KIF22: variants seen among roughly 807,000 people sequenced by gnomAD.
KIF22 encodes kinesin family member 22.
KIF22 carries 62 observed loss-of-function variants against 73.0 expected under a neutral mutation model. The ratio of observed to expected loss-of-function variants is 0.85; its 90% confidence interval spans 0.69 to 1.05. The LOEUF is 1.05. Ranked by LOEUF, KIF22 falls within the 50% of genes least tolerant of loss-of-function variation. KIF22 has a pLI of 0.00. For synonymous variants in KIF22, 411 were observed against 340.1 expected (o/e 1.21, Z -2.29); for missense variants, 854 against 870.1 (o/e 0.98, Z 0.23).
intron 1 of KIF22, among the ~76,000 whole-genome samples, chr16:29,793,294 G>C (rs924491307): frequency 6.6e-6 from 1 of 152,174 alleles, no homozygotes; most frequent in Non-Finnish European, 1.5e-5. Context: ...TCAAAAATTA[G>C]CTGGGCGTGG....
chr16:29,799,559 T>C, intron 6 of KIF22, 65 bp downstream of exon 6: 2 of 1,611,018 alleles, frequency 1.2e-6, no homozygotes, highest in Non-Finnish European at 1.7e-6. Flanking sequence ...TGCTGTGGGG[T>C]GGGGAATAGC....
rs1267974961 is a variant in KIF22 at position 29,798,781 on chromosome 16, A to G, written c.549+34A>G. ...CCGTGCTGGTTGGGAGAGGAGCAAC[A>G]AAGGGTCAAAGTAAGACCTGGTTCT... On this transcript the variant is annotated intron_variant, in intron 4 of 13. Coordinates refer to ENST00000160827, the MANE Select transcript of KIF22 (RefSeq NM_007317.3). The surrounding 1 kb of genome is among the most constrained non-coding windows in gnomAD (Gnocchi z 4.1). 6.2e-7 allele frequency: 1 copy of G among 1,605,392 alleles called. No individual in the cohort carries two copies. The highest frequency in any genetic ancestry group is 1.7e-4 in the Middle Eastern group (1 of 6,008).
rs1004410306 is a variant in KIF22 at position 29,794,435 on chromosome 16, C to T, written c.71-2458C>T. On this transcript the variant is annotated intron_variant, in intron 1 of 13. Transcript: ENST00000160827. The stretch of plus-strand genomic sequence containing the variant: ...TTTTGCAGGTAAGGAAATTGAGGCA[C>T]TGGGATGGAAAATAATTTCCCTAGG... 2.6e-5 allele frequency among the ~76,000 whole-genome samples: 4 copies of T among 152,268 alleles called. No homozygotes were observed. In the East Asian group the frequency reaches 5.8e-4, roughly 22 times the overall value.
chr16:29,803,181 C>T (rs1212137374), intron 9 of KIF22, among the ~76,000 whole-genome samples: 2 of 152,170 alleles, frequency 1.3e-5, no homozygotes, highest in Admixed American at 1.3e-4. Flanking sequence ...CATTACATTT[C>T]CTAAAGCCCA....
At chr16:29,800,733 T>A (rs1899109352) in intron 8 of KIF22, among the ~76,000 whole-genome samples, 1 of 152,196 alleles carries the variant, frequency 6.6e-6, no homozygotes, top group Admixed American at 6.5e-5. Flanking sequence ...GCCACTGCAC[T>A]CCAGCCTAGG....
At chr16:29,792,446 T>C (rs1898842904) in intron 1 of KIF22, 1 of 980,752 alleles carries the variant, frequency 1.0e-6, no homozygotes, top group Admixed American at 6.1e-5. Context: ...GTTTATTCAC[T>C]AAATCTTAAT....
At chr16:29,796,342 G>A (rs924142095) in intron 1 of KIF22, among the ~76,000 whole-genome samples, 8 of 150,410 alleles carry the variant, frequency 5.3e-5, no homozygotes, top group South Asian at 2.1e-4. Flanking sequence ...TTTAGGTTTC[G>A]GTCAGATGTC....
At chr16:29,803,412 TG>T in intron 9 of KIF22, 36 bp from the exon 10 acceptor site, 1 of 1,609,638 alleles carries the variant, frequency 6.2e-7, no homozygotes, top group Non-Finnish European at 8.5e-7. Context: ...GCCCTGGAGT[TG>T]GGTCTGGATC....
chr16:29,803,715 C>A (rs1375243974), intron 10 of KIF22, 107 bp downstream of exon 10: 10 of 980,824 alleles, frequency 1.0e-5, no homozygotes, highest in Non-Finnish European at 1.5e-5. Context: ...CCACCACATA[C>A]CAGTCCCAGG....
intron 5 of KIF22, 39 bp downstream of exon 5, chr16:29,799,223 G>A: frequency 6.2e-7 from 1 of 1,611,086 alleles, no homozygotes; most frequent in Non-Finnish European, 8.5e-7. Flanking sequence ...GGGAAGCCCA[G>A]GAGCCTGAGC....
intron 12 of KIF22, 34 bp downstream of exon 12, chr16:29,805,060 C>CGGGGGGTGGGGGGGGGG: frequency 1.2e-6 from 1 of 848,278 alleles, no homozygotes; most frequent in African/African-American, 1.7e-5. Context: ...AGGGCGGGGG[C>CGGGGGGTGGGGGGGGGG]GGGGGAGACC....
chr16:29,790,959 G>C lies in KIF22; in HGVS notation c.70+130G>C. 2.0e-6 allele frequency: 3 copies of C among 1,498,914 alleles called. No homozygotes were observed. In the South Asian group the frequency reaches 3.9e-5, roughly 20 times the overall value. The allele number at this position is 1,498,914 out of a possible 1,614,324, so 92.9% of individuals were successfully genotyped here. A position where few individuals can be genotyped will look rare whatever the true frequency, so the allele number is the denominator to read the frequency against. On this transcript the variant is annotated intron_variant, in intron 1 of 13. Coordinates refer to ENST00000160827, the MANE Select transcript of KIF22 (RefSeq NM_007317.3). ...GCCATGGCGCAGGGGCGGGGAGAGGGGGACGGTGAGAGTGTGGGGTCGCGA... is the reference window on the plus strand; with the variant it reads ...GCCATGGCGCAGGGGCGGGGAGAGGCGGACGGTGAGAGTGTGGGGTCGCGA...
chr16:29,804,336 A>T (rs1899262686), intron 11 of KIF22: 2 of 601,492 alleles, frequency 3.3e-6, no homozygotes, highest in Non-Finnish European at 3.0e-6. Context: ...AAGAGGGAAA[A>T]CTTAGGGAAC....
At position 29,798,602 on chromosome 16, in the gene KIF22, A is replaced by G; in HGVS notation, c.404A>G (p.His135Arg). The change falls in exon 4 of 14, where the codon CAC becomes CGC. Residue 135 changes from histidine (H) to arginine (R), a missense_variant. His to Arg is a conservative substitution (Grantham distance 29). This residue lies in a region of KIF22 where 245 missense variants were observed against 351.8 expected (regional missense o/e 0.70). Transcript: ENST00000160827. The surrounding 1 kb of genome is among the most constrained non-coding windows in gnomAD (Gnocchi z 4.1). Reference protein sequence around the residue: ...AYGPTGAGKTHTMLGSPEQPG... With the variant: ...AYGPTGAGKTRTMLGSPEQPG... ...TCCACTCTCTTCCCAGGGAAGACGC[A>G]CACAATGCTGGGCAGCCCAGAGCAA... The G allele has an allele frequency of 6.2e-7, 1 of 1,614,040 alleles. No individual in the cohort carries two copies. The highest frequency in any genetic ancestry group is 8.5e-7 in the Non-Finnish European group (1 of 1,179,974).
chr16:29,794,418 GTA>G (rs1385346281), intron 1 of KIF22, among the ~76,000 whole-genome samples: 1 of 152,124 alleles, frequency 6.6e-6, no homozygotes, highest in Non-Finnish European at 1.5e-5. Context: ...CATTTTGCAG[GTA>G]AGGAAATTGA....
chr16:29,799,993 G>A lies in KIF22; in HGVS notation c.1225G>A (p.Glu409Lys), dbSNP rs769617481. 21 of 1,614,078 alleles carry A rather than the reference G, an allele frequency of 1.3e-5. No individual in the cohort carries two copies. The highest frequency in any genetic ancestry group is 1.8e-5 in the Non-Finnish European group (21 of 1,180,020). Residue 409 changes from glutamate to lysine, a missense_variant, in exon 8 of 14, where the codon GAG (glutamate) becomes AAG (lysine). Physicochemically the swap from Glu to Lys is moderately conservative, Grantham distance 56. Around this residue, in one of 3 missense-constraint regions of KIF22, gnomAD observed 423 missense variants for 365.4 expected, o/e 1.16. Transcript: ENST00000160827. ...GAGAGCCCGAGGCCCTGAGGAAGAG[G>A]AGATCGGGAGCCCTGAGCCCATGGC... ...AKRARGPEEE[E>K]IGSPEPMAAP...
chr16:29,803,034 G>A, intron 9 of KIF22, 97 bp downstream of exon 9: 3 of 1,278,144 alleles, frequency 2.3e-6, no homozygotes, highest in Non-Finnish European at 3.3e-6. Flanking sequence ...CTGGACTAGA[G>A]TCCAGTTTTC....
chr16:29,793,575 G>A (rs751514644), intron 1 of KIF22, among the ~76,000 whole-genome samples: 2 of 152,162 alleles, frequency 1.3e-5, no homozygotes, highest in Non-Finnish European at 2.9e-5. Flanking sequence ...AAATGAATCT[G>A]AGTGGTCTCA....
Position 29,805,254 on chromosome 16 carries a change from G to C in KIF22, c.1951-9G>C. On this transcript the variant is annotated splice_polypyrimidine_tract_variant and intron_variant, in intron 13 of 13. Transcript: ENST00000160827. ...TAACGTCGCTGTCTCCCTCCCTCCT[G>C]TGTTGCAGGCAAACATCCTGGGTCT... The C allele has an allele frequency of 6.2e-7, 1 of 1,611,078 alleles. No individual in the cohort carries two copies. Among genetic ancestry groups the C allele is most frequent in the Non-Finnish European group, 8.5e-7 (1 of 1,179,998 alleles).
Sources: gnomAD v4.1 joint callset for allele counts (sites outside exome capture counted in the v4.1 genomes callset) on GRCh38, gnomAD v4.1.1 for gene constraint, gnomAD v4.1.1 regional missense constraint, Gnocchi (gnomAD v3.1) non-coding constraint, MANE v1.5 for transcripts, NCBI Gene and HGNC (gene_info 2026-07-23, HGNC 2026-07-21) for gene names.